Variants in GGA1 observed in about 807,000 individuals in gnomAD.
The protein encoded by GGA1 is golgi associated, gamma adaptin ear containing, ARF binding protein 1, also known as ADP-ribosylation factor-binding protein GGA1.
GGA1 carries 18 observed loss-of-function variants against 76.9 expected under a neutral mutation model. The ratio of observed to expected loss-of-function variants is 0.23; its 90% CI spans 0.16 to 0.35. GGA1 has a LOEUF of 0.35. Ranked by LOEUF, GGA1 falls within the 10% of genes least tolerant of loss-of-function variation. GGA1 has a pLI of 1.00. For missense variants in GGA1, 755 were observed against 859.0 expected (o/e 0.88, Z 1.51); for synonymous variants, 342 against 354.7 (o/e 0.96, Z 0.40).
At chr22:37,609,471 A>C in intron 1 of GGA1, 3 of 272,330 alleles carry the variant, frequency 1.1e-5, no homozygotes, top group Non-Finnish European at 1.8e-5. Context: ...CCCGCACCCT[A>C]CAGGCTTGGG....
chr22:37,626,793 CACTCTGTCCTGTCTTAGGTG>C (rs1930932534), intron 11 of GGA1: 1 of 152,292 alleles, frequency 6.6e-6, no homozygotes, highest in Non-Finnish European at 1.5e-5. Context: ...CCCACTACTG[CACTCTGTCCTGTCTTAGGTG>C]ACCCTCACGG....
Position 37,631,017 on chromosome 22 carries a change from G to GC in GGA1, c.1452dup (p.Arg485GlnfsTer35). 1 of 1,613,308 alleles carries GC rather than the reference G, an allele frequency of 6.2e-7. No homozygotes were observed. ...GCCTTCTCCACACCGTGTCCCCAGAGCCCCCCAGGCCTCCGCAGCAGCCCG... is the reference window on the plus strand; with the variant it reads ...GCCTTCTCCACACCGTGTCCCCAGAGCCCCCCCAGGCCTCCGCAGCAGCCCG... On this transcript the variant is annotated frameshift_variant, in exon 14 of 17. Transcript: ENST00000343632. LOFTEE classifies it high-confidence loss of function.
At chr22:37,609,467 C>T (rs1287700113) in intron 1 of GGA1, 2 of 291,764 alleles carry the variant, frequency 6.9e-6, no homozygotes, top group East Asian at 1.8e-4. Context: ...AACCCCCGCA[C>T]CCTACAGGCT....
In GGA1 at chr22:37,623,267, G is replaced by C. The variant is rs1930204340; in HGVS notation, c.610-60G>C. 4.0e-6 allele frequency: 6 copies of C among 1,508,176 alleles called. No homozygotes were observed. In the East Asian group the frequency reaches 1.4e-4, roughly 34 times the overall value. 93.4% of individuals were successfully genotyped at this position (1,508,176 alleles called of 1,614,324 possible). A position where few individuals can be genotyped will look rare whatever the true frequency, so the allele number is the denominator to read the frequency against. On this transcript the variant is annotated intron_variant, in intron 7 of 16. Coordinates refer to ENST00000343632, the MANE Select transcript of GGA1 (RefSeq NM_013365.5). This position sits in a 1 kb window ranked among gnomAD's most constrained non-coding sequence, Gnocchi z 4.6. ...CCAGCACACATTCTCTCAAGTGGCA[G>C]GGGGCAGTGCCTCGTCCAGGCCAAA... is the stretch of plus-strand genomic sequence containing the variant.
chr22:37,619,048 C>T (rs923544254), intron 4 of GGA1, among the ~76,000 whole-genome samples: 1 of 152,154 alleles, frequency 6.6e-6, no homozygotes, highest in Non-Finnish European at 1.5e-5. Flanking sequence ...GGAGTCTTCC[C>T]ACAGACCATG....
At position 37,633,075 on chromosome 22, in the gene GGA1, T is replaced by G; in HGVS notation, c.*364T>G. 8.7e-6 allele frequency: 2 copies of G among 229,396 alleles called. No homozygotes were observed. The highest frequency in any genetic ancestry group is 1.8e-5 in the Non-Finnish European group (2 of 113,388). The allele number at this position is 229,396 out of a possible 1,614,324, so 14.2% of individuals were successfully genotyped here. On this transcript the variant is annotated 3_prime_UTR_variant, in exon 17 of 17. Coordinates refer to ENST00000343632, the MANE Select transcript of GGA1 (RefSeq NM_013365.5). The stretch of plus-strand genomic sequence containing the variant: ...CCCCAACCCCAGCTGGGGTGGGGTC[T>G]TCCCCACCTGTCTCTTATGCCTTAT...
chr22:37,622,832 C>T (rs1348568226), intron 7 of GGA1, among the ~76,000 whole-genome samples: 1 of 152,216 alleles, frequency 6.6e-6, no homozygotes, highest in African/African-American at 2.4e-5. Context: ...AGCCGGGCTG[C>T]TCCCAAAAGC....
intron 1 of GGA1, among the ~76,000 whole-genome samples, chr22:37,612,009 C>T (rs1927709634): frequency 6.6e-6 from 1 of 151,888 alleles, no homozygotes; most frequent in African/African-American, 2.4e-5. Context: ...AAAAAATTAG[C>T]TGGGCATGGT....
chr22:37,623,245 G>A lies in GGA1; in HGVS notation c.610-82G>A, dbSNP rs1930201505. On this transcript the variant is annotated intron_variant, in intron 7 of 16. Transcript: ENST00000343632. This position sits in a 1 kb window ranked among gnomAD's most constrained non-coding sequence, Gnocchi z 4.6. ...CACCCAGCTGTCAACCCAGATCCCAGCACACATTCTCTCAAGTGGCAGGGG... is the reference window on the plus strand; with the variant it reads ...CACCCAGCTGTCAACCCAGATCCCAACACACATTCTCTCAAGTGGCAGGGG... 18 of 1,333,490 alleles carry A rather than the reference G, an allele frequency of 1.3e-5. No individual in the cohort carries two copies. The South Asian group carries it at 2.1e-4, about 16-fold the overall frequency. 82.6% of individuals were successfully genotyped at this position (1,333,490 alleles called of 1,614,324 possible). A position where few individuals can be genotyped will look rare whatever the true frequency, so the allele number is the denominator to read the frequency against.
Position 37,625,772 on chromosome 22 carries a change from G to C in GGA1, c.941-25G>C. 6.5e-7 allele frequency: 1 copy of C among 1,532,870 alleles called. No homozygotes were observed. The allele number at this position is 1,532,870 out of a possible 1,614,324, so 95.0% of individuals were successfully genotyped here. On this transcript the variant is annotated intron_variant, in intron 10 of 16. Transcript: ENST00000343632. This position sits in a 1 kb window ranked among gnomAD's most constrained non-coding sequence, Gnocchi z 4.1. ...AGAGACACGTGTACACCCAGGACTTGCCAGCCTCTTCTTTCCCACCCCAGG... is the reference window on the plus strand; with the variant it reads ...AGAGACACGTGTACACCCAGGACTTCCCAGCCTCTTCTTTCCCACCCCAGG...
rs764123688 is a variant in GGA1 at position 37,618,535 on chromosome 22, G to T, written c.292G>T (p.Val98Leu). 1 of 1,609,102 alleles carries T rather than the reference G, an allele frequency of 6.2e-7. No individual in the cohort carries two copies. Among genetic ancestry groups the T allele is most frequent in the Non-Finnish European group, 8.5e-7 (1 of 1,175,472 alleles). ...CTTTCTCAACGAGCTCATCAAGGTC[G>T]TGTCTCCCAAGGTTGGTGCCCCCAG... ...FRFLNELIKV[V>L]SPKYLGSRTS... Residue 98 changes from valine to leucine, a missense_variant, in exon 4 of 17, where the codon GTG (valine) becomes TTG (leucine). Coordinates refer to ENST00000343632, the MANE Select transcript of GGA1 (RefSeq NM_013365.5).
Position 37,625,825 on chromosome 22 carries a change from A to G in GGA1, c.969A>G (p.Ser323=), listed in dbSNP as rs574136260. The change falls in exon 11 of 17, where the codon TCA becomes TCG. Residue 323 remains serine, a synonymous_variant. Coordinates refer to ENST00000343632, the MANE Select transcript of GGA1 (RefSeq NM_013365.5). The surrounding 1 kb of genome is among the most constrained non-coding windows in gnomAD (Gnocchi z 4.1). ...PGSTSALLDL[S]GLDLPPAGTT... is the part of the protein sequence containing the mutation. Reference sequence around the variant, plus strand: ...GCACCTCGGCCCTGCTGGATCTCTCAGGCCTGGATCTCCCGCCTGCGGGCA... The same window carrying G: ...GCACCTCGGCCCTGCTGGATCTCTCGGGCCTGGATCTCCCGCCTGCGGGCA... The G allele has an allele frequency of 1.6e-4, 262 of 1,606,418 alleles. 1 individual carries two copies. In the South Asian group the frequency reaches 2.8e-3, roughly 17 times the overall value.
rs745676668 is a variant in GGA1 at position 37,625,854 on chromosome 22, C to G, written c.998C>G (p.Thr333Ser). Residue 333 changes from threonine to serine, a missense_variant, in exon 11 of 17, where the codon ACC becomes AGC. Transcript: ENST00000343632. This position sits in a 1 kb window ranked among gnomAD's most constrained non-coding sequence, Gnocchi z 4.1. ...SGLDLPPAGT[T>S]YPAMPTRPGE... ...CTGGATCTCCCGCCTGCGGGCACCA[C>G]CTACCCAGCTATGCCCACCCGCCCT... is the stretch of plus-strand genomic sequence containing the variant. 1 of 1,611,904 alleles carries G rather than the reference C, an allele frequency of 6.2e-7. No individual in the cohort carries two copies. Among genetic ancestry groups the G allele is most frequent in the African/African-American group, 1.3e-5 (1 of 74,924 alleles).
At chr22:37,621,509 C>T in intron 6 of GGA1, 107 bp from the exon 7 acceptor site, 1 of 698,438 alleles carries the variant, frequency 1.4e-6, no homozygotes, top group Non-Finnish European at 2.5e-6. Context: ...GCTTAAGTAA[C>T]TTACTCAGGT....
chr22:37,631,973 C>T (rs759315509), intron 14 of GGA1, 23 bp from the exon 15 acceptor site: 3 of 1,586,130 alleles, frequency 1.9e-6, no homozygotes, highest in East Asian at 2.3e-5. Flanking sequence ...GCTGTCCCAT[C>T]GCCCTCCCAC....
In GGA1 at chr22:37,632,970, G is replaced by A. The variant is rs944876258; in HGVS notation, c.*259G>A. On this transcript the variant is annotated 3_prime_UTR_variant, in exon 17 of 17. Coordinates refer to ENST00000343632, the MANE Select transcript of GGA1 (RefSeq NM_013365.5). This position sits in a 1 kb window ranked among gnomAD's most constrained non-coding sequence, Gnocchi z 5.1. ...TCCATCACCGGGACCTGGAGAGGGA[G>A]GGGCTGTGTAGCCTTGGAAGAACTT... is the stretch of plus-strand genomic sequence containing the variant. 2 of 520,166 alleles carry A rather than the reference G, an allele frequency of 3.8e-6. No individual in the cohort carries two copies. The highest frequency in any genetic ancestry group is 7.0e-6 in the Non-Finnish European group (2 of 287,232). 32.2% of individuals were successfully genotyped at this position (520,166 alleles called of 1,614,324 possible). A position where few individuals can be genotyped will look rare whatever the true frequency, so the allele number is the denominator to read the frequency against.
At chr22:37,630,279 C>T in intron 13 of GGA1, 109 bp downstream of exon 13, 1 of 794,058 alleles carries the variant, frequency 1.3e-6, no homozygotes, top group Admixed American at 3.1e-5. Context: ...TCGTTGCTGT[C>T]TTGTTTTGTA....
intron 1 of GGA1, 52 bp downstream of exon 1, chr22:37,608,955 G>A: frequency 3.0e-6 from 4 of 1,325,078 alleles, no homozygotes; most frequent in Non-Finnish European, 3.9e-6. Context: ...CCGGGGGCAC[G>A]AGGCGGGCCC....
In GGA1 at chr22:37,623,431, C is replaced by T. The variant is rs368154696; in HGVS notation, c.714C>T (p.Gly238=). ...LTEMVMSHSQ[G]GAAAGSSEDL... The stretch of plus-strand genomic sequence containing the variant: ...AGATGGTGATGAGCCACAGCCAGGG[C>T]GGCGCAGCAGCTGGCAGCAGCGAGG... Residue 238 remains glycine, a synonymous_variant, in exon 8 of 17, where the codon GGC becomes GGT. Transcript: ENST00000343632. This position sits in a 1 kb window ranked among gnomAD's most constrained non-coding sequence, Gnocchi z 4.6. 1,225 of 1,614,018 alleles carry T rather than the reference C, an allele frequency of 7.6e-4. 28 individuals are homozygous for T. The South Asian group carries it at 0.013, about 17-fold the overall frequency.
Sources: gnomAD v4.1 joint callset for allele counts (sites outside exome capture counted in the v4.1 genomes callset) on GRCh38, gnomAD v4.1.1 for gene constraint, Gnocchi (gnomAD v3.1) non-coding constraint, MANE v1.5 for transcripts, NCBI Gene and HGNC (gene_info 2026-07-23, HGNC 2026-07-21) for gene names.